The following EPHA6 variants were observed in gnomAD, a reference collection of about 807,000 sequenced individuals.
The protein encoded by EPHA6 is ephrin type-A receptor 6.
EPHA6 carries 50 observed loss-of-function variants against 112.0 expected under a neutral mutation model. The observed-to-expected ratio is 0.45, with a 90% CI of 0.36 to 0.56. The LOEUF (loss-of-function observed/expected upper bound fraction) is 0.56, where lower values mean the gene tolerates loss of function less well. EPHA6 is among the 20% of genes least tolerant of loss of function. The pLI is 0.00. For synonymous variants in EPHA6, 529 were observed against 490.7 expected (o/e 1.08, Z -1.03); for missense variants, 1,280 against 1,417.4 (o/e 0.90, Z 1.56).
intron 6 of EPHA6, among the ~76,000 whole-genome samples, chr3:97,445,988 A>C (rs1186368791): frequency 1.3e-5 from 2 of 152,318 alleles, no homozygotes; most frequent in East Asian, 3.9e-4. Flanking sequence ...ACCTGCCAGG[A>C]TGAAGAAAAC....
chr3:97,580,508 T>A (rs1185647387), intron 11 of EPHA6, among the ~76,000 whole-genome samples: 1 of 152,202 alleles, frequency 6.6e-6, no homozygotes, highest in Admixed American at 6.5e-5. Context: ...TCTCCTTCAA[T>A]ATTCTTATGG....
chr3:97,175,712 A>G (rs1217845452), intron 3 of EPHA6, among the ~76,000 whole-genome samples: 1 of 151,884 alleles, frequency 6.6e-6, no homozygotes, highest in African/African-American at 2.4e-5. Flanking sequence ...GCAGATAAGA[A>G]TGCTATTGAT....
chr3:97,107,182 A>G (rs1209592416), intron 3 of EPHA6, among the ~76,000 whole-genome samples: 1 of 152,118 alleles, frequency 6.6e-6, no homozygotes, highest in East Asian at 1.9e-4. Flanking sequence ...AATGTAATTT[A>G]CTTTGTAATT....
intron 5 of EPHA6, among the ~76,000 whole-genome samples, chr3:97,325,480 A>C (rs1216213579): frequency 5.3e-5 from 8 of 151,982 alleles, no homozygotes; most frequent in Non-Finnish European, 5.9e-5. Flanking sequence ...CCTCATTTTA[A>C]CTCAATCACT....
chr3:97,124,657 G>A (rs2048135644), intron 3 of EPHA6, among the ~76,000 whole-genome samples: 1 of 152,064 alleles, frequency 6.6e-6, no homozygotes, highest in African/African-American at 2.4e-5. Flanking sequence ...ATTTTGAGGA[G>A]AGGCCACCAC....
chr3:97,429,926 G>A (rs1278216154), intron 6 of EPHA6, among the ~76,000 whole-genome samples: 4 of 152,154 alleles, frequency 2.6e-5, no homozygotes, highest in Non-Finnish European at 4.4e-5. Context: ...ATTGGCCCCA[G>A]TCAGAGTCTT....
rs2035856754 is a variant in EPHA6, at chr3:97,750,006, A to G, written c.*1305A>G. Among the ~76,000 whole-genome samples the G allele has an allele frequency of 1.3e-5, 2 of 152,224 alleles. No individual in the cohort carries two copies. The highest frequency in any genetic ancestry group is 4.1e-4 in the South Asian group (2 of 4,836). ...TCATAATCTTCTGAGAGGCTTAAAA[A>G]ACAAAGGTAAATATATATTTTAAGT... On this transcript the variant is annotated 3_prime_UTR_variant, in exon 18 of 18. Coordinates refer to ENST00000389672, the MANE Select transcript of EPHA6 (RefSeq NM_001080448.3).
At chr3:96,849,480 G>A (rs1221506074) in intron 1 of EPHA6, among the ~76,000 whole-genome samples, 4 of 152,082 alleles carry the variant, frequency 2.6e-5, no homozygotes, top group Admixed American at 2.6e-4. Context: ...TTTAAGTCTT[G>A]CTGTGTTAAT....
intron 1 of EPHA6, among the ~76,000 whole-genome samples, chr3:96,820,816 G>A (rs761687824): frequency 6.6e-5 from 10 of 151,770 alleles, no homozygotes; most frequent in Non-Finnish European, 1.3e-4. Flanking sequence ...TTTTGTCAGC[G>A]AACGACTGTA....
chr3:97,347,723 C>T (rs2083601350), intron 5 of EPHA6, among the ~76,000 whole-genome samples: 1 of 151,986 alleles, frequency 6.6e-6, no homozygotes, highest in African/African-American at 2.4e-5. Context: ...TTCAGTGTTG[C>T]CTCAACTTTC....
intron 6 of EPHA6, among the ~76,000 whole-genome samples, chr3:97,428,076 T>C (rs1559993932): frequency 6.6e-6 from 1 of 152,018 alleles, no homozygotes; most frequent in African/African-American, 2.4e-5. Context: ...GAAAAAAATA[T>C]ATGAATAGTG....
intron 3 of EPHA6, among the ~76,000 whole-genome samples, chr3:97,097,095 G>T (rs1275619664): frequency 1.3e-5 from 2 of 151,354 alleles, no homozygotes; most frequent in Admixed American, 6.6e-5. Flanking sequence ...ATGAAAAAAA[G>T]AAAAAATGTA....
intron 2 of EPHA6, among the ~76,000 whole-genome samples, chr3:96,892,773 C>A (rs2038039142): frequency 6.6e-6 from 1 of 151,582 alleles, no homozygotes; most frequent in African/African-American, 2.4e-5. Flanking sequence ...AAGTTTGAAA[C>A]CTTTTAACCT....
At chr3:97,552,423 G>T (rs1350871901) in intron 11 of EPHA6, among the ~76,000 whole-genome samples, 1 of 152,148 alleles carries the variant, frequency 6.6e-6, no homozygotes, top group Non-Finnish European at 1.5e-5. Flanking sequence ...TGGCAGGGAA[G>T]TTGGCCTGAA....
intron 3 of EPHA6, among the ~76,000 whole-genome samples, chr3:97,153,302 T>G (rs1401339003): frequency 6.6e-6 from 1 of 152,082 alleles, no homozygotes; most frequent in Non-Finnish European, 1.5e-5. Flanking sequence ...ATTAGAAATG[T>G]AATTCTGGTC....
chr3:96,913,210 A>ACACACC (rs1484631141), intron 2 of EPHA6, among the ~76,000 whole-genome samples: 10 of 117,532 alleles, frequency 8.5e-5, no homozygotes, highest in Non-Finnish European at 1.4e-4. Flanking sequence ...ACACACACAC[A>ACACACC]CACCACACAC....
intron 2 of EPHA6, among the ~76,000 whole-genome samples, chr3:96,914,762 T>C (rs1209191849): frequency 6.6e-6 from 1 of 152,092 alleles, no homozygotes; most frequent in Non-Finnish European, 1.5e-5. Flanking sequence ...AGAGTAAAGT[T>C]GTATATTTTG....
chr3:96,975,679 A>G lies in EPHA6; in HGVS notation c.451-11651A>G, dbSNP rs537367477. ...GAGTACAAATCATTCTTGCTTAACCAAAACTTCTCATTGAGCAGGACACTT... is the reference window on the plus strand; with the variant it reads ...GAGTACAAATCATTCTTGCTTAACCGAAACTTCTCATTGAGCAGGACACTT... On this transcript the variant is annotated intron_variant, in intron 2 of 17. Coordinates refer to ENST00000389672, the MANE Select transcript of EPHA6 (RefSeq NM_001080448.3). Among the ~76,000 whole-genome samples the G allele has an allele frequency of 1.4e-3, 220 of 152,292 alleles. 2 individuals carry two copies. Among genetic ancestry groups the G allele is most frequent in the African/African-American group, 4.9e-3 (205 of 41,576 alleles).
chr3:97,262,496 T>C (rs1391321658), intron 5 of EPHA6, among the ~76,000 whole-genome samples: 1 of 152,170 alleles, frequency 6.6e-6, no homozygotes. Flanking sequence ...GGTAAACCTC[T>C]ACACATGCAT....
Sources: gnomAD v4.1 joint callset for allele counts (sites outside exome capture counted in the v4.1 genomes callset) on GRCh38, gnomAD v4.1.1 for gene constraint, MANE v1.5 for transcripts, NCBI Gene and HGNC (gene_info 2026-07-23, HGNC 2026-07-21) for gene names.